Variants in SETBP1 observed in about 807,000 individuals in gnomAD.
SETBP1 encodes the protein SET-binding protein.
Under a neutral mutation model 101.0 loss-of-function variants are expected in SETBP1, and 9 were observed. The observed-to-expected ratio is 0.09, with a 90% CI of 0.05 to 0.16. The LOEUF (loss-of-function observed/expected upper bound fraction) is 0.16, where lower values mean the gene tolerates loss of function less well. Among genes scored for constraint, SETBP1 ranks in the 10% least tolerant of loss-of-function variants. The probability of loss-of-function intolerance (pLI) is 1.00; values close to 1 mark genes in which losing one functional copy is unlikely to be tolerated. For missense variants in SETBP1, 1,858 were observed against 2,033.8 expected (o/e 0.91, Z 1.66); for synonymous variants, 818 against 788.5 (o/e 1.04, Z -0.63).
Position 45,063,477 on chromosome 18 carries a change from C to T in SETBP1, c.4570C>T (p.Pro1524Ser), listed in dbSNP as rs768967355. The T allele has an allele frequency of 6.9e-7, 1 of 1,445,984 alleles. No homozygotes were observed. Among genetic ancestry groups the T allele is most frequent in the South Asian group, 1.5e-5 (1 of 67,418 alleles). The allele number at this position is 1,445,984 out of a possible 1,614,324, so 89.6% of individuals were successfully genotyped here. Reference sequence around the variant, plus strand: ...GGCCCGGGAGGCGCCGCCCCTGCCCCCGCCACCGCCGCCGCCCCTGCCGCC... The same window carrying T: ...GGCCCGGGAGGCGCCGCCCCTGCCCTCGCCACCGCCGCCGCCCCTGCCGCC... ...HMAREAPPLP[P>S]PPPPPLPPPP... is the part of the protein sequence containing the mutation. The change falls in exon 6 of 6, where the codon CCG becomes TCG. Residue 1524 changes from proline to serine, a missense_variant. Coordinates refer to ENST00000649279, the MANE Select transcript of SETBP1 (RefSeq NM_015559.3).
intron 2 of SETBP1, among the ~76,000 whole-genome samples, chr18:44,815,832 G>A (rs899670714): frequency 6.6e-6 from 1 of 152,182 alleles, no homozygotes; most frequent in Non-Finnish European, 1.5e-5. Context: ...GGATGCCCAG[G>A]AATTGGGGCC....
intron 2 of SETBP1, among the ~76,000 whole-genome samples, chr18:44,797,327 A>G (rs1332939996): frequency 1.3e-5 from 2 of 152,212 alleles, no homozygotes; most frequent in Admixed American, 6.5e-5. Context: ...CAATTTATAC[A>G]TGTTTTTCTC....
At chr18:44,880,661 A>C (rs543384326) in intron 3 of SETBP1, among the ~76,000 whole-genome samples, 1 of 152,256 alleles carries the variant, frequency 6.6e-6, no homozygotes, top group East Asian at 1.9e-4. Flanking sequence ...GCCGAAGGTA[A>C]AGGGAAAGCA....
At chr18:44,777,666 C>T (rs1435413421) in intron 2 of SETBP1, among the ~76,000 whole-genome samples, 1 of 152,184 alleles carries the variant, frequency 6.6e-6, no homozygotes, top group African/African-American at 2.4e-5. Context: ...GGACACCCGT[C>T]AAGGAGGAAA....
At chr18:44,797,511 C>A (rs570960616) in intron 2 of SETBP1, among the ~76,000 whole-genome samples, 2 of 152,292 alleles carry the variant, frequency 1.3e-5, no homozygotes, top group South Asian at 4.2e-4. Context: ...AAGCCACTAC[C>A]CTGTCCCTAC....
At chr18:44,953,422 T>G in intron 4 of SETBP1, 82 bp downstream of exon 4, 1 of 1,255,564 alleles carries the variant, frequency 8.0e-7, no homozygotes, top group Non-Finnish European at 1.1e-6. Context: ...TGTGGCACAT[T>G]GTGTTCACTA....
chr18:44,800,351 A>G (rs1016962882), intron 2 of SETBP1, among the ~76,000 whole-genome samples: 2 of 152,162 alleles, frequency 1.3e-5, no homozygotes, highest in Admixed American at 1.3e-4. Context: ...AGAAGCAGCA[A>G]TGAAAAAAGC....
At chr18:44,839,453 A>G (rs1265826299) in intron 2 of SETBP1, among the ~76,000 whole-genome samples, 1 of 138,184 alleles carries the variant, frequency 7.2e-6, no homozygotes, top group Admixed American at 7.1e-5. Flanking sequence ...CTTAGCCCGC[A>G]CTGGCTCTTT....
At chr18:44,769,448 T>C (rs1016076322) in intron 2 of SETBP1, among the ~76,000 whole-genome samples, 1 of 152,248 alleles carries the variant, frequency 6.6e-6, no homozygotes, top group African/African-American at 2.4e-5. Context: ...CTGCTCTTAC[T>C]GAATGATGAT....
intron 2 of SETBP1, among the ~76,000 whole-genome samples, chr18:44,713,247 G>A (rs533635259): frequency 4.0e-5 from 6 of 151,870 alleles, no homozygotes; most frequent in Admixed American, 2.0e-4. Flanking sequence ...GTGAGCCACC[G>A]CGCCCGGCCT....
chr18:44,935,663 A>G (rs2070940972), intron 3 of SETBP1, among the ~76,000 whole-genome samples: 1 of 152,246 alleles, frequency 6.6e-6, no homozygotes, highest in South Asian at 2.1e-4. Flanking sequence ...GCCCCAACCC[A>G]GAACAATGAC....
intron 1 of SETBP1, among the ~76,000 whole-genome samples, chr18:44,698,285 G>T (rs1001093960): frequency 1.3e-5 from 2 of 152,120 alleles, no homozygotes; most frequent in African/African-American, 4.8e-5. Context: ...CTCACACCAT[G>T]TACCAGAATT....
intron 4 of SETBP1, among the ~76,000 whole-genome samples, chr18:45,030,740 G>A (rs1011723655): frequency 1.3e-5 from 2 of 148,622 alleles, no homozygotes; most frequent in African/African-American, 5.1e-5. Flanking sequence ...TTAGTCTTGG[G>A]AGGGTGTATG....
chr18:44,730,390 G>A (rs567779430), intron 2 of SETBP1, among the ~76,000 whole-genome samples: 1 of 152,310 alleles, frequency 6.6e-6, no homozygotes, highest in African/African-American at 2.4e-5. Context: ...CTATCCTGAA[G>A]GATGGAACTA....
intron 3 of SETBP1, among the ~76,000 whole-genome samples, chr18:44,921,177 C>T (rs1482596804): frequency 1.3e-5 from 2 of 152,140 alleles, no homozygotes; most frequent in Non-Finnish European, 2.9e-5. Flanking sequence ...GGAGGAAATT[C>T]CTAAAGTCTA....
In SETBP1 at chr18:45,063,300, G is replaced by C. The variant is rs766119511; in HGVS notation, c.4393G>C (p.Asp1465His). ...GRPRKQPTQF[D>H]EDSRDQMPVL... ...TCCCAGGAAGCAGCCCACCCAGTTC[G>C]ATGAGGACTCCAGAGACCAAATGCC... Residue 1465 changes from aspartate to histidine, a missense_variant, in exon 6 of 6, where the codon GAT (aspartate) becomes CAT (histidine). Physicochemically the swap from Asp to His is moderately conservative, Grantham distance 81. Transcript: ENST00000649279. 9.3e-6 allele frequency: 15 copies of C among 1,606,230 alleles called. No individual in the cohort carries two copies. Among genetic ancestry groups the C allele is most frequent in the African/African-American group, 6.7e-5 (5 of 74,598 alleles).
intron 3 of SETBP1, 71 bp from the exon 4 acceptor site, chr18:44,949,810 A>C: frequency 8.2e-7 from 1 of 1,212,888 alleles, no homozygotes. Flanking sequence ...TCAAATATTA[A>C]GTAGCTTCAA....
At chr18:44,941,414 T>C (rs1290657811) in intron 3 of SETBP1, among the ~76,000 whole-genome samples, 1 of 152,130 alleles carries the variant, frequency 6.6e-6, no homozygotes, top group African/African-American at 2.4e-5. Context: ...CTCTTTCTTC[T>C]CTGATGGCTT....
chr18:44,908,224 C>T (rs1599306547), intron 3 of SETBP1, among the ~76,000 whole-genome samples: 2 of 152,176 alleles, frequency 1.3e-5, no homozygotes, highest in Admixed American at 6.5e-5. Flanking sequence ...CCATGCTCAT[C>T]TAATTTTTGT....
Sources: allele counts gnomAD v4.1 joint callset (sites outside exome capture counted in the v4.1 genomes callset), GRCh38; gene constraint gnomAD v4.1.1; transcripts MANE v1.5; gene names NCBI Gene and HGNC (gene_info 2026-07-23, HGNC 2026-07-21).